The following RPS14 variants were observed in gnomAD, a reference collection of about 807,000 sequenced individuals.
RPS14 encodes the protein ribosomal protein S14.
RPS14 carries 1 observed loss-of-function variant against 15.4 expected under a neutral mutation model. That is an observed-to-expected ratio of 0.07 (90% CI 0.02 to 0.31). RPS14 has a LOEUF of 0.31. Ranked by LOEUF, RPS14 falls within the 10% of genes least tolerant of loss-of-function variation. The pLI, the probability that RPS14 is intolerant of heterozygous loss-of-function variation, is 1.00. For synonymous variants in RPS14, 68 were observed against 74.4 expected, an observed-to-expected ratio of 0.91 and a Z score of 0.44; for missense variants, 69 against 205.5, an observed-to-expected ratio of 0.34 and a Z score of 4.06.
intron 3 of RPS14, 96 bp from the exon 4 acceptor site, chr5:150,445,781 G>C: frequency 1.1e-6 from 1 of 942,724 alleles, no homozygotes. Context: ...TCAGAGGTCT[G>C]CAAACTTTCT....
intron 2 of RPS14, 87 bp from the exon 3 acceptor site, chr5:150,447,050 G>T: frequency 6.7e-7 from 1 of 1,496,254 alleles, no homozygotes; most frequent in Non-Finnish European, 9.1e-7. Context: ...ACACAGCTCA[G>T]TCATGGTGGA....
At chr5:150,444,504 T>C (rs2073472) in intron 4 of RPS14, 151 bp from the exon 5 acceptor site, 175,502 of 688,098 alleles carry the variant, frequency 0.26, 24,315 homozygotes, top group South Asian at 0.39. Context: ...GAACATGAAG[T>C]GGCCCCATCT....
At position 150,444,117 on chromosome 5, in the gene RPS14, A is replaced by C; in HGVS notation, c.*169T>G. 9.5e-7 allele frequency: 1 copy of C among 1,048,208 alleles called. No homozygotes were observed. The highest frequency in any genetic ancestry group is 1.3e-6 in the Non-Finnish European group (1 of 771,330). 64.9% of individuals were successfully genotyped at this position (1,048,208 alleles called of 1,614,324 possible). ...CCGCAAGTAGCATGGAAAAGACCCC[A>C]AATGCAGCACCAGGATCTCAGCTCT... On this transcript the variant is annotated 3_prime_UTR_variant, in exon 5 of 5. Coordinates refer to ENST00000407193, the MANE Select transcript of RPS14 (RefSeq NM_005617.4).
intron 2 of RPS14, chr5:150,447,219 T>G: frequency 3.7e-6 from 2 of 541,218 alleles, no homozygotes; most frequent in South Asian, 4.7e-5. Context: ...ATTTTACATA[T>G]GAGGAAACCA....
rs4841 is a variant in RPS14 at position 150,446,963 on chromosome 5, C to T, written c.150G>A (p.Lys50=). 0.27 allele frequency: 434,283 copies of T among 1,613,430 alleles called. 60,126 individuals are homozygous for T. The highest frequency in any genetic ancestry group is 0.39 in the South Asian group (35,815 of 91,050). Residue 50 remains lysine, a splice_region_variant and synonymous_variant, in exon 3 of 5, where the codon AAG becomes AAA. Transcript: ENST00000407193. This position sits in a 1 kb window ranked among gnomAD's most constrained non-coding sequence, Gnocchi z 4.2. ...TFVHVTDLSG[K]ETICRVTGGM... is the part of the protein sequence containing the mutation. ...CACCAGTCACACGGCAGATGGTTTC[C>T]CTGGGGACAAAAGCACAGGGTCATT...
At chr5:150,447,404 T>C (rs986980142) in intron 2 of RPS14, 181 bp downstream of exon 2, 1 of 655,628 alleles carries the variant, frequency 1.5e-6, no homozygotes, top group African/African-American at 1.8e-5. Flanking sequence ...ACGAAGAATG[T>C]GTCTCCTCTC....
chr5:150,447,120 A>G (rs1771123487), intron 2 of RPS14, 157 bp from the exon 3 acceptor site: 2 of 713,256 alleles, frequency 2.8e-6, no homozygotes, highest in Non-Finnish European at 2.4e-6. Context: ...GAATGGCCCA[A>G]TATAGCTATA....
At chr5:150,447,965 A>G (rs1002823281) in intron 1 of RPS14, 9 of 500,692 alleles carry the variant, frequency 1.8e-5, no homozygotes, top group Non-Finnish European at 3.2e-5. Flanking sequence ...TCCTTTCCCC[A>G]GAAACTACCA....
chr5:150,446,867 G>C lies in RPS14; in HGVS notation c.246C>G (p.Ala82=), dbSNP rs983167737. The change falls in exon 3 of 5, where the codon GCC becomes GCG. Residue 82 remains alanine, a synonymous_variant. Transcript: ENST00000407193. This position sits in a 1 kb window ranked among gnomAD's most constrained non-coding sequence, Gnocchi z 4.2. ...YAAMLAAQDV[A]QRCKELGITA... is the part of the protein sequence containing the mutation. ...TGATACCCAGCTCCTTGCACCTCTG[G>C]GCCACATCCTGGGCAGCCAACATAG... 2 of 1,613,950 alleles carry C rather than the reference G, an allele frequency of 1.2e-6. No individual in the cohort carries two copies. The highest frequency in any genetic ancestry group is 1.7e-5 in the Admixed American group (1 of 59,980).
rs746275010 is a variant in RPS14 at position 150,446,840 on chromosome 5, G to A, written c.273C>T (p.Thr91=). The A allele has an allele frequency of 2.0e-5, 33 of 1,613,996 alleles. No individual in the cohort carries two copies. Among genetic ancestry groups the A allele is most frequent in the Middle Eastern group, 1.6e-4 (1 of 6,084 alleles). ...TGGCCCGGAGTTTGATGTGTAGGGC[G>A]GTGATACCCAGCTCCTTGCACCTCT... ...VAQRCKELGI[T]ALHIKLRATG... is the part of the protein sequence containing the mutation. Residue 91 remains threonine, a synonymous_variant, in exon 3 of 5, where the codon ACC becomes ACT. Transcript: ENST00000407193. This position sits in a 1 kb window ranked among gnomAD's most constrained non-coding sequence, Gnocchi z 4.2.
Position 150,444,100 on chromosome 5 carries a change from A to T in RPS14, c.*186T>A. The T allele has an allele frequency of 1.2e-6, 1 of 826,512 alleles. No individual in the cohort carries two copies. Among genetic ancestry groups the T allele is most frequent in the Non-Finnish European group, 1.7e-6 (1 of 582,106 alleles). 51.2% of individuals were successfully genotyped at this position (826,512 alleles called of 1,614,324 possible). On this transcript the variant is annotated 3_prime_UTR_variant, in exon 5 of 5. Transcript: ENST00000407193. ...ACCAAGGCAACTTAATGCCGCAAGT[A>T]GCATGGAAAAGACCCCAAATGCAGC...
chr5:150,446,991 T>C lies in RPS14; in HGVS notation c.150-28A>G. On this transcript the variant is annotated intron_variant, in intron 2 of 4. Coordinates refer to ENST00000407193, the MANE Select transcript of RPS14 (RefSeq NM_005617.4). This position sits in a 1 kb window ranked among gnomAD's most constrained non-coding sequence, Gnocchi z 4.2. Reference sequence around the variant, plus strand: ...GGGGACAAAAGCACAGGGTCATTTCTTCCTCGTCCAACAAGGAGTGCTTAC... The same window carrying C: ...GGGGACAAAAGCACAGGGTCATTTCCTCCTCGTCCAACAAGGAGTGCTTAC... 12 of 1,612,784 alleles carry C rather than the reference T, an allele frequency of 7.4e-6. No homozygotes were observed. The highest frequency in any genetic ancestry group is 1.0e-5 in the Non-Finnish European group (12 of 1,179,258).
At position 150,446,190 on chromosome 5, in the gene RPS14, G is replaced by A. The variant is rs1016042358; in HGVS notation, c.312-505C>T. On this transcript the variant is annotated intron_variant, in intron 3 of 4. Coordinates refer to ENST00000407193, the MANE Select transcript of RPS14 (RefSeq NM_005617.4). The surrounding 1 kb of genome is among the most constrained non-coding windows in gnomAD (Gnocchi z 4.2). Reference sequence around the variant, plus strand: ...TCTGACCACTGTCTGGCTTGTTCACGCAACAGTCATCTATTTCAGCTTTCA... The same window carrying A: ...TCTGACCACTGTCTGGCTTGTTCACACAACAGTCATCTATTTCAGCTTTCA... Among the ~76,000 whole-genome samples, 3 of 151,808 alleles carry A rather than the reference G, an allele frequency of 2.0e-5. No homozygotes were observed. Among genetic ancestry groups the A allele is most frequent in the South Asian group, 2.1e-4 (1 of 4,830 alleles).
In RPS14 at chr5:150,444,030, C is replaced by T; in HGVS notation, c.*256G>A. The T allele has an allele frequency of 3.3e-6, 1 of 306,950 alleles. No homozygotes were observed. 19.0% of individuals were successfully genotyped at this position (306,950 alleles called of 1,614,324 possible). Reference sequence around the variant, plus strand: ...ATTGGTCCATATTTAGAACCAGCATCTCCACTCAAAACGAGGTCTCCAACG... The same window carrying T: ...ATTGGTCCATATTTAGAACCAGCATTTCCACTCAAAACGAGGTCTCCAACG... On this transcript the variant is annotated 3_prime_UTR_variant, in exon 5 of 5. Transcript: ENST00000407193.
At chr5:150,449,499 G>C (rs1771207203) in intron 1 of RPS14, 1 of 127,256 alleles carries the variant, frequency 7.9e-6, no homozygotes, top group African/African-American at 3.6e-5. Context: ...TACTTCACAA[G>C]CTCCTCCCTG....
chr5:150,447,288 C>A, intron 2 of RPS14: 1 of 528,294 alleles, frequency 1.9e-6, no homozygotes, highest in Non-Finnish European at 3.4e-6. Flanking sequence ...CCGTCGAACC[C>A]GCACCCAGAG....
At chr5:150,444,407 C>G in intron 4 of RPS14, 54 bp from the exon 5 acceptor site, 1 of 1,503,082 alleles carries the variant, frequency 6.7e-7, no homozygotes, top group African/African-American at 1.4e-5. Context: ...GAAGGGCCCC[C>G]AGGACTCCCT....
intron 1 of RPS14, 148 bp downstream of exon 1, chr5:150,449,555 G>A (rs1436789385): frequency 6.6e-6 from 1 of 152,352 alleles, no homozygotes; most frequent in Non-Finnish European, 1.5e-5. Flanking sequence ...TCAATCCCGA[G>A]TTGGCCAGGA....
rs749174482 is a variant in RPS14, at chr5:150,445,523, G to A, written c.388+86C>T. ...ACTGCCAAAAGTGACCAGACCAGCC[G>A]CTGCACATCCACTGGGCACAGCACG... On this transcript the variant is annotated intron_variant, in intron 4 of 4. Coordinates refer to ENST00000407193, the MANE Select transcript of RPS14 (RefSeq NM_005617.4). 45 of 1,287,380 alleles carry A rather than the reference G, an allele frequency of 3.5e-5. No individual in the cohort carries two copies. The East Asian group carries it at 6.9e-4, about 20-fold the overall frequency. The allele number at this position is 1,287,380 out of a possible 1,614,324, so 79.7% of individuals were successfully genotyped here. A position where few individuals can be genotyped will look rare whatever the true frequency, so the allele number is the denominator to read the frequency against.
Sources: gnomAD v4.1 joint callset for allele counts (sites outside exome capture counted in the v4.1 genomes callset) on GRCh38, gnomAD v4.1.1 for gene constraint, Gnocchi (gnomAD v3.1) non-coding constraint, MANE v1.5 for transcripts, NCBI Gene and HGNC (gene_info 2026-07-23, HGNC 2026-07-21) for gene names.